The following ACSM2A variants were observed in gnomAD, a reference collection of about 807,000 sequenced individuals.
The protein encoded by ACSM2A is acyl-CoA synthetase medium chain family member 2A.
In ACSM2A, 72 loss-of-function variants were observed where a neutral mutation model predicts 76.6. That is an observed-to-expected ratio of 0.94 (90% confidence interval 0.78 to 1.14). The LOEUF is 1.14. ACSM2A is among the 50% of genes most tolerant of loss of function. The probability of loss-of-function intolerance (pLI) is 0.00; values close to 1 mark genes in which losing one functional copy is unlikely to be tolerated. For missense variants in ACSM2A, 684 were observed against 708.5 expected (o/e 0.97, Z 0.39); for synonymous variants, 249 against 255.9 (o/e 0.97, Z 0.26).
Position 20,486,657 on chromosome 16 carries a change from C to T in ACSM2A, c.1713C>T (p.Ser571=), listed in dbSNP as rs147331753. The change falls in exon 14 of 14, where the codon TCC becomes TCT. Residue 571 remains serine, a synonymous_variant. Coordinates refer to ENST00000573854, the MANE Select transcript of ACSM2A (RefSeq NM_001308172.2). ...TTCGAGACAAGGAGTGGAAGATGTCCGGAAAAGCCCGTGCGCAGTGAGACA... is the reference window on the plus strand; with the variant it reads ...TTCGAGACAAGGAGTGGAAGATGTCTGGAAAAGCCCGTGCGCAGTGAGACA... ...AKLRDKEWKM[S]GKARAQ is the part of the protein sequence containing the mutation. 9.2e-5 allele frequency: 148 copies of T among 1,614,132 alleles called. No individual in the cohort carries two copies. In the African/African-American group the frequency reaches 1.3e-3, roughly 14 times the overall value.
At chr16:20,467,515 C>T (rs574984269) in intron 3 of ACSM2A, among the ~76,000 whole-genome samples, 1 of 152,112 alleles carries the variant, frequency 6.6e-6, no homozygotes, top group Non-Finnish European at 1.5e-5. Flanking sequence ...GCTTCAGTTT[C>T]GTTGAGGTAG....
At chr16:20,478,306 G>A (rs1342508587) in intron 9 of ACSM2A, among the ~76,000 whole-genome samples, 3 of 152,116 alleles carry the variant, frequency 2.0e-5, no homozygotes, top group African/African-American at 7.2e-5. Context: ...ATAAGAGGAG[G>A]CTATTACTTT....
intron 2 of ACSM2A, among the ~76,000 whole-genome samples, chr16:20,463,969 A>G (rs943753269): frequency 8.5e-5 from 13 of 152,118 alleles, no homozygotes; most frequent in Non-Finnish European, 1.5e-4. Context: ...AGATTCCCTA[A>G]GTCATTACTC....
rs1006384350 is a variant in ACSM2A at position 20,486,055 on chromosome 16, C to G, written c.1630-519C>G. 3.9e-5 allele frequency among the ~76,000 whole-genome samples: 6 copies of G among 152,292 alleles called. No individual in the cohort carries two copies. In the East Asian group the frequency reaches 5.8e-4, roughly 15 times the overall value. ...TGATGTGGAATTCAAAATGAGGTAT[C>G]CTAATTCTTAGATGTCTAAAGACCT... On this transcript the variant is annotated intron_variant, in intron 13 of 13. Coordinates refer to ENST00000573854, the MANE Select transcript of ACSM2A (RefSeq NM_001308172.2).
chr16:20,475,534 C>A, intron 7 of ACSM2A, 93 bp downstream of exon 7: 1 of 1,602,208 alleles, frequency 6.2e-7, no homozygotes, highest in Non-Finnish European at 8.5e-7. Context: ...ATCTCTCGCA[C>A]ACAGAGAGCC....
At chr16:20,456,512 G>A (rs763979415) in intron 1 of ACSM2A, among the ~76,000 whole-genome samples, 91 of 151,970 alleles carry the variant, frequency 6.0e-4, no homozygotes, top group Middle Eastern at 3.4e-3. Flanking sequence ...TCAAAATCAC[G>A]TGAATACGTG....
At chr16:20,480,442 T>C (rs1452589494) in intron 10 of ACSM2A, 131 bp from the exon 11 acceptor site, 6 of 1,465,620 alleles carry the variant, frequency 4.1e-6, no homozygotes, top group Non-Finnish European at 5.5e-6. Flanking sequence ...TCAGGGCATG[T>C]CTGCCATGTT....
chr16:20,463,655 T>A (rs547652670), intron 2 of ACSM2A, among the ~76,000 whole-genome samples: 1 of 152,298 alleles, frequency 6.6e-6, no homozygotes, highest in African/African-American at 2.4e-5. Flanking sequence ...ACACCCTGCA[T>A]AACTGTGAGC....
At chr16:20,473,668 G>T (rs1405939612) in intron 6 of ACSM2A, among the ~76,000 whole-genome samples, 1 of 151,964 alleles carries the variant, frequency 6.6e-6, no homozygotes, top group Non-Finnish European at 1.5e-5. Flanking sequence ...AAATCCTAAG[G>T]CCCCATCCCG....
intron 6 of ACSM2A, among the ~76,000 whole-genome samples, chr16:20,474,943 G>C (rs931179521): frequency 6.6e-6 from 1 of 152,074 alleles, no homozygotes; most frequent in African/African-American, 2.4e-5. Context: ...GGAAAATAAG[G>C]CTGGAAACAA....
intron 8 of ACSM2A, chr16:20,476,120 G>A: frequency 9.2e-7 from 1 of 1,089,052 alleles, no homozygotes; most frequent in Non-Finnish European, 1.1e-6. Context: ...ATTCCTCTGT[G>A]ATGGGGAAAC....
At position 20,486,867 on chromosome 16, in the gene ACSM2A, G is replaced by C; in HGVS notation, c.*189G>C. 1.5e-6 allele frequency: 1 copy of C among 669,012 alleles called. No individual in the cohort carries two copies. The highest frequency in any genetic ancestry group is 2.5e-6 in the Non-Finnish European group (1 of 406,762). 41.4% of individuals were successfully genotyped at this position (669,012 alleles called of 1,614,324 possible). Reference sequence around the variant, plus strand: ...GAAAGAAGAAAGGGAAGGAATGAGAGAGAGTGAAAAGGAGAGGGTAACAGA... The same window carrying C: ...GAAAGAAGAAAGGGAAGGAATGAGACAGAGTGAAAAGGAGAGGGTAACAGA... On this transcript the variant is annotated 3_prime_UTR_variant, in exon 14 of 14. Transcript: ENST00000573854.
chr16:20,463,467 C>T (rs1364109763), intron 2 of ACSM2A, among the ~76,000 whole-genome samples: 1 of 151,634 alleles, frequency 6.6e-6, no homozygotes, highest in Non-Finnish European at 1.5e-5. Flanking sequence ...CCATCCCCTT[C>T]GTTATGAGTG....
At chr16:20,454,462 G>A (rs2011998981) in intron 1 of ACSM2A, among the ~76,000 whole-genome samples, 1 of 151,878 alleles carries the variant, frequency 6.6e-6, no homozygotes, top group Non-Finnish European at 1.5e-5. Context: ...GCTGCCATCA[G>A]CCTTTCCACC....
At chr16:20,471,965 G>T (rs1270084599) in intron 6 of ACSM2A, among the ~76,000 whole-genome samples, 2 of 152,160 alleles carry the variant, frequency 1.3e-5, no homozygotes, top group African/African-American at 4.8e-5. Flanking sequence ...CTCTTCCGCT[G>T]GTGTCACCTA....
intron 4 of ACSM2A, 163 bp from the exon 5 acceptor site, chr16:20,470,910 T>C (rs2013349751): frequency 2.7e-6 from 3 of 1,121,572 alleles, no homozygotes; most frequent in South Asian, 1.3e-5. Context: ...CCAACTCTGA[T>C]TGACTCAGAC....
chr16:20,477,597 G>A lies in ACSM2A; in HGVS notation c.1179+148G>A, dbSNP rs371289801. 7.1e-6 allele frequency: 10 copies of A among 1,412,874 alleles called. No homozygotes were observed. The African/African-American group carries it at 8.6e-5, about 12-fold the overall frequency. 87.5% of individuals were successfully genotyped at this position (1,412,874 alleles called of 1,614,324 possible). A position where few individuals can be genotyped will look rare whatever the true frequency, so the allele number is the denominator to read the frequency against. On this transcript the variant is annotated intron_variant, in intron 9 of 13. Coordinates refer to ENST00000573854, the MANE Select transcript of ACSM2A (RefSeq NM_001308172.2). The stretch of plus-strand genomic sequence containing the variant: ...AAAAAAGGAGGTAGGGAGGTTGGGG[G>A]AAGGAAAGAGTGAGGGAAGGAAGGA...
intron 1 of ACSM2A, among the ~76,000 whole-genome samples, chr16:20,458,895 TA>T (rs2012390539): frequency 2.0e-5 from 2 of 102,424 alleles, no homozygotes; most frequent in Admixed American, 1.2e-4. Context: ...GTATATATTA[TA>T]TATATATGCA....
rs375899493 is a variant in ACSM2A at position 20,467,008 on chromosome 16, C to G, written c.388+1281C>G. On this transcript the variant is annotated intron_variant, in intron 3 of 13. Coordinates refer to ENST00000573854, the MANE Select transcript of ACSM2A (RefSeq NM_001308172.2). ...AAGTTAGACTATAAGTTAGATTTCT[C>G]CCATAGTTAGCTTGGACTATGTCCA... Among the ~76,000 whole-genome samples the G allele has an allele frequency of 1.5e-3, 231 of 151,908 alleles. 3 individuals are homozygous for G. The South Asian group carries it at 0.032, about 21-fold the overall frequency.
Sources: allele counts gnomAD v4.1 joint callset (sites outside exome capture counted in the v4.1 genomes callset), GRCh38; gene constraint gnomAD v4.1.1; transcripts MANE v1.5; gene names NCBI Gene and HGNC (gene_info 2026-07-23, HGNC 2026-07-21).